The following LARGE1 variants were observed in gnomAD, a reference collection of about 807,000 sequenced individuals.
LARGE1 encodes LARGE xylosyl- and glucuronyltransferase 1, also known as xylosyl- and glucuronyltransferase LARGE1.
A neutral mutation model predicts 87.6 loss-of-function variants in LARGE1; 43 were observed. That is an observed-to-expected ratio of 0.49 (90% CI 0.38 to 0.63). LARGE1 has a LOEUF of 0.63. Ranked by LOEUF, LARGE1 falls within the 30% of genes least tolerant of loss-of-function variation. The pLI, the probability that LARGE1 is intolerant of heterozygous loss-of-function variation, is 0.00. For synonymous variants in LARGE1, 434 were observed against 394.6 expected, an observed-to-expected ratio of 1.10 and a Z score of -1.18; for missense variants, 802 against 1,000.2, an observed-to-expected ratio of 0.80 and a Z score of 2.67.
At chr22:33,299,812 A>T (rs1346024066) in intron 12 of LARGE1, among the ~76,000 whole-genome samples, 3 of 152,212 alleles carry the variant, frequency 2.0e-5, no homozygotes, top group African/African-American at 7.2e-5. Flanking sequence ...TGCCCCGCTG[A>T]CTTTCGCCTG....
Position 33,374,783 on chromosome 22 carries a change from A to G in LARGE1, c.1131+7136T>C, listed in dbSNP as rs182434135. Reference sequence around the variant, plus strand: ...CCCAAATTATATAAAATTCTTAAAAATCTAATATGACATTAGTTAAAATTC... The same window carrying G: ...CCCAAATTATATAAAATTCTTAAAAGTCTAATATGACATTAGTTAAAATTC... On this transcript the variant is annotated intron_variant, in intron 9 of 14. Coordinates refer to ENST00000397394, the MANE Select transcript of LARGE1 (RefSeq NM_133642.5). Among the ~76,000 whole-genome samples, 12 of 152,316 alleles carry G rather than the reference A, an allele frequency of 7.9e-5. No homozygotes were observed. The East Asian group carries it at 2.3e-3, about 29-fold the overall frequency.
chr22:33,310,489 T>G (rs1471532558), intron 11 of LARGE1, among the ~76,000 whole-genome samples: 2 of 152,066 alleles, frequency 1.3e-5, no homozygotes, highest in Non-Finnish European at 2.9e-5. Flanking sequence ...ACTCCTGGCT[T>G]CATGGCCATG....
intron 1 of LARGE1, among the ~76,000 whole-genome samples, chr22:33,832,170 T>C (rs2062991133): frequency 6.6e-6 from 1 of 152,188 alleles, no homozygotes; most frequent in Admixed American, 6.5e-5. Context: ...TCCTGGCACC[T>C]ATCAGTCATA....
At chr22:33,507,884 T>C (rs980130483) in intron 6 of LARGE1, among the ~76,000 whole-genome samples, 2 of 152,194 alleles carry the variant, frequency 1.3e-5, no homozygotes, top group Non-Finnish European at 2.9e-5. Context: ...ATTCACACTT[T>C]ACAAACAATC....
intron 4 of LARGE1, among the ~76,000 whole-genome samples, chr22:33,612,117 C>G (rs1363777669): frequency 1.3e-5 from 2 of 152,008 alleles, no homozygotes; most frequent in Admixed American, 1.3e-4. Context: ...CCCACCCACC[C>G]CCAGTGAAAG....
In LARGE1 at chr22:33,872,824, C is replaced by T. The variant is rs530305092; in HGVS notation, c.-83+47171G>A. ...ACCAGCCTGGCCAACATGGCAAAACCCTGTCTCTACTGAAAACACAAAAAA... is the reference window on the plus strand; with the variant it reads ...ACCAGCCTGGCCAACATGGCAAAACTCTGTCTCTACTGAAAACACAAAAAA... On this transcript the variant is annotated intron_variant, in intron 1 of 14. Coordinates refer to ENST00000397394, the MANE Select transcript of LARGE1 (RefSeq NM_133642.5). Among the ~76,000 whole-genome samples, 130 of 152,210 alleles carry T rather than the reference C, an allele frequency of 8.5e-4. 1 individual carries two copies. The highest frequency in any genetic ancestry group is 4.8e-3 in the South Asian group (23 of 4,818).
the LARGE1 span, among the ~76,000 whole-genome samples, chr22:33,092,804 C>T: frequency 6.6e-6 from 1 of 152,094 alleles, no homozygotes; most frequent in Non-Finnish European, 1.5e-5. Flanking sequence ...GACATGATCT[C>T]GCTCCTTTTT....
At chr22:33,322,598 G>T (rs907039958) in intron 10 of LARGE1, 2 of 152,192 alleles carry the variant, frequency 1.3e-5, no homozygotes, top group Admixed American at 1.3e-4. Flanking sequence ...TGTTAGGAGA[G>T]GGAGTACTGG....
chr22:33,787,362 C>T (rs566717185), intron 1 of LARGE1, among the ~76,000 whole-genome samples: 2 of 152,290 alleles, frequency 1.3e-5, no homozygotes, highest in Admixed American at 6.5e-5. Context: ...TCCCTACGCT[C>T]CTCCTACCAA....
the LARGE1 span, among the ~76,000 whole-genome samples, chr22:33,149,552 A>G: frequency 1.3e-5 from 2 of 152,178 alleles, no homozygotes; most frequent in African/African-American, 4.8e-5. Context: ...TGCTGCCATA[A>G]CAAATTGCCA....
chr22:33,091,597 A>AATAAATAG, the LARGE1 span, among the ~76,000 whole-genome samples: 1 of 151,328 alleles, frequency 6.6e-6, no homozygotes, highest in African/African-American at 2.4e-5. Flanking sequence ...TAAATAAATA[A>AATAAATAG]AGAGACATCT....
rs139637856 is a variant in LARGE1 at position 33,615,644 on chromosome 22, A to G, written c.491+10600T>C. Among the ~76,000 whole-genome samples, 68 of 148,128 alleles carry G rather than the reference A, an allele frequency of 4.6e-4. 2 individuals carry two copies. In the East Asian group the frequency reaches 0.011, roughly 24 times the overall value. On this transcript the variant is annotated intron_variant, in intron 4 of 14. Coordinates refer to ENST00000397394, the MANE Select transcript of LARGE1 (RefSeq NM_133642.5). ...CAGACTGCCCCAACTTCAGAACCAT[A>G]TGAAATAAATTAGTGTTAAGGAAAA...
chr22:33,124,014 G>T, the LARGE1 span, among the ~76,000 whole-genome samples: 1 of 152,150 alleles, frequency 6.6e-6, no homozygotes, highest in South Asian at 2.1e-4. Context: ...GGCCAGGCAC[G>T]ATGGCTCACG....
At chr22:33,115,439 G>C in the LARGE1 span, among the ~76,000 whole-genome samples, 1 of 146,554 alleles carries the variant, frequency 6.8e-6, no homozygotes, top group South Asian at 2.2e-4. Context: ...GATAGAGTGA[G>C]ACTACCTCTC....
chr22:33,266,824 C>T (rs906633749), intron 11 of LARGE1, among the ~76,000 whole-genome samples: 2 of 151,282 alleles, frequency 1.3e-5, no homozygotes, highest in Non-Finnish European at 1.5e-5. Context: ...ATTCATTTCA[C>T]TCCCATTCAG....
intron 12 of LARGE1, among the ~76,000 whole-genome samples, chr22:33,291,404 C>T (rs1932526711): frequency 6.6e-6 from 1 of 152,100 alleles, no homozygotes; most frequent in African/African-American, 2.4e-5. Flanking sequence ...TACCCTTATG[C>T]ATTCTCCTCT....
chr22:33,584,049 G>GTATCAAAATCAATTTCAAT (rs1426993026), intron 5 of LARGE1, among the ~76,000 whole-genome samples: 2 of 152,158 alleles, frequency 1.3e-5, no homozygotes, highest in Admixed American at 1.3e-4. Flanking sequence ...TATCAAAAAG[G>GTATCAAAATCAATTTCAAT]TATGCCCTTC....
intron 6 of LARGE1, among the ~76,000 whole-genome samples, chr22:33,500,296 C>G (rs1391167822): frequency 2.6e-5 from 4 of 152,138 alleles, no homozygotes; most frequent in African/African-American, 9.7e-5. Context: ...ATGATTTTCT[C>G]AAAAGACCAT....
chr22:33,419,185 A>G (rs9609784), intron 7 of LARGE1, among the ~76,000 whole-genome samples: 9,623 of 152,016 alleles, frequency 0.063, 545 homozygotes, highest in Admixed American at 0.2. Flanking sequence ...TCGCCACCTT[A>G]AAAAACCTCA....
Sources: gnomAD v4.1 joint callset for allele counts (sites outside exome capture counted in the v4.1 genomes callset) on GRCh38, gnomAD v4.1.1 for gene constraint, MANE v1.5 for transcripts, NCBI Gene and HGNC (gene_info 2026-07-23, HGNC 2026-07-21) for gene names.